Variants in GHR observed in about 807,000 individuals in gnomAD.
GHR encodes growth hormone receptor.
GHR carries 35 observed loss-of-function variants against 67.1 expected under a neutral mutation model. The ratio of observed to expected loss-of-function variants is 0.52; its 90% CI spans 0.40 to 0.69. The LOEUF is 0.69. GHR is among the 30% of genes least tolerant of loss of function. GHR has a pLI of 0.00. For missense variants in GHR, 792 were observed against 764.6 expected (o/e 1.04, Z -0.42); for synonymous variants, 272 against 269.1 (o/e 1.01, Z -0.10).
At chr5:42,445,179 C>G (rs367712104) in intron 1 of GHR, among the ~76,000 whole-genome samples, 12 of 152,190 alleles carry the variant, frequency 7.9e-5, no homozygotes, top group Non-Finnish European at 1.8e-4. Context: ...AGTGGACCCA[C>G]AGTGGACATT....
intron 5 of GHR, among the ~76,000 whole-genome samples, chr5:42,697,622 G>A (rs1180145643): frequency 6.6e-6 from 1 of 152,182 alleles, no homozygotes; most frequent in Non-Finnish European, 1.5e-5. Flanking sequence ...GCCGGCGGTG[G>A]AGTGGGCACA....
chr5:42,597,101 G>C (rs934597470), intron 2 of GHR, among the ~76,000 whole-genome samples: 3 of 152,138 alleles, frequency 2.0e-5, no homozygotes, highest in Admixed American at 1.3e-4. Flanking sequence ...TGGGTGGAAG[G>C]GGGGCTCTGG....
chr5:42,711,319 G>A lies in GHR; in HGVS notation c.731G>A (p.Ser244Asn). ...AACTCTGGAAATTATGGCGAGTTCA[G>A]TGAGGTGCTCTATGTAACACTTCCT... ...QRNSGNYGEF[S>N]EVLYVTLPQM... Residue 244 changes from serine to asparagine, a missense_variant, in exon 7 of 10, where the codon AGT becomes AAT. Transcript: ENST00000230882. 6.2e-7 allele frequency: 1 copy of A among 1,613,372 alleles called. No individual in the cohort carries two copies. Among genetic ancestry groups the A allele is most frequent in the Non-Finnish European group, 8.5e-7 (1 of 1,179,302 alleles).
At chr5:42,607,059 A>G (rs1752663325) in intron 2 of GHR, among the ~76,000 whole-genome samples, 1 of 152,098 alleles carries the variant, frequency 6.6e-6, no homozygotes, top group Non-Finnish European at 1.5e-5. Context: ...ACAAGAGCTG[A>G]TGAAGTTTTA....
intron 6 of GHR, among the ~76,000 whole-genome samples, chr5:42,700,994 CAA>C (rs1757903352): frequency 6.6e-6 from 1 of 152,126 alleles, no homozygotes; most frequent in African/African-American, 2.4e-5. Flanking sequence ...AAGCTACAAT[CAA>C]ACATTATTTA....
chr5:42,653,494 T>C (rs1408538690), intron 3 of GHR, among the ~76,000 whole-genome samples: 1 of 152,132 alleles, frequency 6.6e-6, no homozygotes, highest in Non-Finnish European at 1.5e-5. Flanking sequence ...GAAAGTCATA[T>C]TGAGCTTGTG....
At position 42,443,946 on chromosome 5, in the gene GHR, GAT is replaced by G. The variant is rs1236077376; in HGVS notation, c.-12+19995_-12+19996del. On this transcript the variant is annotated intron_variant, in intron 1 of 9. Transcript: ENST00000230882. ...ACCATGGCCCAGCCAAGGTGATATA[GAT>G]ATAGATATAGATAGATATAGATATA... is the stretch of plus-strand genomic sequence containing the variant. 2.9e-3 allele frequency among the ~76,000 whole-genome samples: 417 copies of G among 145,912 alleles called. 1 individual carries two copies. Among genetic ancestry groups the G allele is most frequent in the African/African-American group, 0.01 (383 of 37,936 alleles).
At chr5:42,428,552 A>G (rs111726210) in intron 1 of GHR, among the ~76,000 whole-genome samples, 1,646 of 152,246 alleles carry the variant, frequency 0.011, 30 homozygotes, top group African/African-American at 0.038. Context: ...TTTCTTTTCT[A>G]TGGCATCATC....
rs1307364545 is a variant in GHR, at chr5:42,563,698, C to G, written c.-11-2166C>G. Among the ~76,000 whole-genome samples, 18 of 148,710 alleles carry G rather than the reference C, an allele frequency of 1.2e-4. No individual in the cohort carries two copies. In the East Asian group the frequency reaches 3.6e-3, roughly 30 times the overall value. ...TGGTGCACACCTATAGTCCCAGCTA[C>G]TTGGAAGGCTCAAGCAGGAGAATCG... is the stretch of plus-strand genomic sequence containing the variant. On this transcript the variant is annotated intron_variant, in intron 1 of 9. Transcript: ENST00000230882.
chr5:42,473,777 T>C (rs1745113015), intron 1 of GHR, among the ~76,000 whole-genome samples: 1 of 150,858 alleles, frequency 6.6e-6, no homozygotes, highest in Admixed American at 6.6e-5. Context: ...CTCGGGAGGC[T>C]GAGGCAGGAG....
chr5:42,615,186 TA>T (rs1753080628), intron 2 of GHR, among the ~76,000 whole-genome samples: 1 of 151,974 alleles, frequency 6.6e-6, no homozygotes, highest in South Asian at 2.1e-4. Flanking sequence ...AATGTACCCT[TA>T]AAGTTTTGTA....
intron 3 of GHR, among the ~76,000 whole-genome samples, chr5:42,671,248 C>A (rs530532134): frequency 4.1e-4 from 62 of 152,110 alleles, no homozygotes; most frequent in African/African-American, 1.5e-3. Context: ...TTATTCATGG[C>A]AGAAGGTGAA....
chr5:42,625,812 G>T (rs1465070739), intron 2 of GHR, among the ~76,000 whole-genome samples: 1 of 146,738 alleles, frequency 6.8e-6, no homozygotes, highest in African/African-American at 2.4e-5. Context: ...GCCTGGATCT[G>T]GGAAGGAAGG....
intron 3 of GHR, among the ~76,000 whole-genome samples, chr5:42,673,474 C>T (rs1338894505): frequency 6.6e-6 from 1 of 152,202 alleles, no homozygotes; most frequent in Non-Finnish European, 1.5e-5. Context: ...CATACACTCA[C>T]ATGTTCATTA....
At chr5:42,532,253 C>A (rs1164772957) in intron 1 of GHR, among the ~76,000 whole-genome samples, 1 of 152,060 alleles carries the variant, frequency 6.6e-6, no homozygotes, top group Non-Finnish European at 1.5e-5. Context: ...AGAGTCAAGT[C>A]ATCAGAACTT....
At chr5:42,712,742 G>A (rs1758524574) in intron 7 of GHR, among the ~76,000 whole-genome samples, 2 of 151,866 alleles carry the variant, frequency 1.3e-5, no homozygotes, top group South Asian at 2.1e-4. Context: ...GAATGAAATA[G>A]AAGTTTTACA....
At chr5:42,621,879 T>C (rs920440473) in intron 2 of GHR, among the ~76,000 whole-genome samples, 3 of 152,160 alleles carry the variant, frequency 2.0e-5, no homozygotes, top group Non-Finnish European at 4.4e-5. Context: ...GGTAATACTG[T>C]CTCTTGGAAG....
At chr5:42,582,999 T>C (rs906820770) in intron 2 of GHR, among the ~76,000 whole-genome samples, 2 of 152,058 alleles carry the variant, frequency 1.3e-5, no homozygotes, top group Non-Finnish European at 2.9e-5. Flanking sequence ...TCCAGGCTGG[T>C]AGCGCAACCC....
intron 2 of GHR, among the ~76,000 whole-genome samples, chr5:42,588,766 C>A (rs961166899): frequency 1.1e-4 from 16 of 151,398 alleles, no homozygotes; most frequent in African/African-American, 3.9e-4. Context: ...TTTTTGTTTT[C>A]TACCAAAACC....
Sources: gnomAD v4.1 joint callset for allele counts (sites outside exome capture counted in the v4.1 genomes callset) on GRCh38, gnomAD v4.1.1 for gene constraint, MANE v1.5 for transcripts, NCBI Gene and HGNC (gene_info 2026-07-23, HGNC 2026-07-21) for gene names.